Variants in KAT14 observed in about 807,000 individuals in gnomAD.
The protein encoded by KAT14 is lysine acetyltransferase 14.
KAT14 carries 66 observed loss-of-function variants against 78.4 expected under a neutral mutation model. The observed-to-expected ratio is 0.84, with a 90% CI of 0.69 to 1.03. The LOEUF is 1.03. Among genes scored for constraint, KAT14 ranks in the 50% least tolerant of loss-of-function variants. The probability of loss-of-function intolerance (pLI) is 0.00; values close to 1 mark genes in which losing one functional copy is unlikely to be tolerated. For missense variants in KAT14, 870 were observed against 972.5 expected (o/e 0.89, Z 1.40); for synonymous variants, 344 against 359.4 (o/e 0.96, Z 0.48).
At chr20:18,180,818 C>T (rs556189361) in intron 7 of KAT14, among the ~76,000 whole-genome samples, 5 of 152,164 alleles carry the variant, frequency 3.3e-5, no homozygotes, top group Admixed American at 1.3e-4. Flanking sequence ...TGGTGGAAAC[C>T]GCCCCCATGA....
intron 5 of KAT14, among the ~76,000 whole-genome samples, chr20:18,160,135 A>G (rs2038364807): frequency 6.6e-6 from 1 of 152,208 alleles, no homozygotes; most frequent in Non-Finnish European, 1.5e-5. Context: ...TCCTGACCTC[A>G]GGCGATCCAC....
chr20:18,183,666 G>A (rs900748716), intron 9 of KAT14: 4 of 483,698 alleles, frequency 8.3e-6, no homozygotes, highest in Non-Finnish European at 1.1e-5. Flanking sequence ...TTTATGTTTT[G>A]TTTATTTAGC....
chr20:18,178,102 TATC>T (rs2146509850), intron 7 of KAT14, among the ~76,000 whole-genome samples: 1 of 32,866 alleles, frequency 3.0e-5, no homozygotes, highest in African/African-American at 1.1e-4. Flanking sequence ...AGCAAGACTC[TATC>T]TCAAAAAAAA....
At chr20:18,155,350 G>T (rs966836841) in intron 4 of KAT14, among the ~76,000 whole-genome samples, 43 of 152,128 alleles carry the variant, frequency 2.8e-4, no homozygotes, top group African/African-American at 8.0e-4. Context: ...AAAGGTGGGG[G>T]TTTTTTTGGT....
Position 18,187,441 on chromosome 20 carries a change from T to C in KAT14, c.2328T>C (p.Phe776=). ...LESTECKHAF[F]LRLRR is the part of the protein sequence containing the mutation. Reference sequence around the variant, plus strand: ...GTACAGAGTGTAAACACGCATTCTTTCTGAGGCTCCGGCGCTGATGCGAAT... The same window carrying C: ...GTACAGAGTGTAAACACGCATTCTTCCTGAGGCTCCGGCGCTGATGCGAAT... The change falls in exon 11 of 11, where the codon TTT becomes TTC. Residue 776 remains phenylalanine, a synonymous_variant. Coordinates refer to ENST00000688188, the MANE Select transcript of KAT14 (RefSeq NM_001392073.1). 6.2e-7 allele frequency: 1 copy of C among 1,614,160 alleles called. No individual in the cohort carries two copies.
In KAT14 at chr20:18,159,241, T is replaced by C. The variant is rs756455634; in HGVS notation, c.658T>C (p.Ser220Pro). The C allele has an allele frequency of 6.2e-7, 1 of 1,614,070 alleles. No individual in the cohort carries two copies. The highest frequency in any genetic ancestry group is 8.5e-7 in the Non-Finnish European group (1 of 1,180,008). ...PTMKPEGEKL[S>P]ASTLKIKASK... ...GATGAAACCTGAAGGAGAGAAGTTG[T>C]CTGCCTCTACTTTGAAAATAAAAGG... The change falls in exon 5 of 11, where the codon TCT becomes CCT. Residue 220 changes from serine (S) to proline (P), a missense_variant. By Grantham distance (74) the Ser-to-Pro change is moderately conservative. Transcript: ENST00000688188.
At chr20:18,140,854 A>G (rs1208029582) in intron 1 of KAT14, among the ~76,000 whole-genome samples, 2 of 149,910 alleles carry the variant, frequency 1.3e-5, no homozygotes, top group Non-Finnish European at 3.0e-5. Context: ...AACAAAACAA[A>G]AAAAACCCTA....
At chr20:18,185,220 G>A (rs1280839828) in intron 10 of KAT14, among the ~76,000 whole-genome samples, 1 of 152,078 alleles carries the variant, frequency 6.6e-6, no homozygotes, top group Admixed American at 6.6e-5. Context: ...ATAAGAATAT[G>A]TATATATTTT....
chr20:18,187,773 C>T lies in KAT14; in HGVS notation c.*314C>T. The T allele has an allele frequency of 2.8e-6, 1 of 350,952 alleles. No homozygotes were observed. The highest frequency in any genetic ancestry group is 3.1e-5 in the South Asian group (1 of 32,426). The allele number at this position is 350,952 out of a possible 1,614,324, so 21.7% of individuals were successfully genotyped here. ...GTGAAAGAGCATCTAACCTGATGCT[C>T]TTGGAGAGAGATAACCTGTCTGTCA... On this transcript the variant is annotated 3_prime_UTR_variant, in exon 11 of 11. Coordinates refer to ENST00000688188, the MANE Select transcript of KAT14 (RefSeq NM_001392073.1).
chr20:18,140,236 C>G (rs2037479438), intron 1 of KAT14, among the ~76,000 whole-genome samples: 1 of 151,378 alleles, frequency 6.6e-6, no homozygotes, highest in African/African-American at 2.4e-5. Flanking sequence ...GGAAGACCTG[C>G]AGTTGGGGGA....
At chr20:18,184,873 C>A in intron 10 of KAT14, 81 bp downstream of exon 10, 1 of 1,436,168 alleles carries the variant, frequency 7.0e-7, no homozygotes, top group South Asian at 1.5e-5. Context: ...GCTGAGCTAG[C>A]CCTTCCCAGC....
chr20:18,152,695 TAG>T (rs1281030525), intron 4 of KAT14, among the ~76,000 whole-genome samples: 1 of 152,290 alleles, frequency 6.6e-6, no homozygotes, highest in Non-Finnish European at 1.5e-5. Context: ...CCTTAGTTAA[TAG>T]AGTTTTGTAT....
At position 18,162,474 on chromosome 20, in the gene KAT14, C is replaced by T; in HGVS notation, c.1197C>T (p.Val399=). 6.2e-7 allele frequency: 1 copy of T among 1,613,942 alleles called. No homozygotes were observed. Among genetic ancestry groups the T allele is most frequent in the Non-Finnish European group, 8.5e-7 (1 of 1,180,006 alleles). The part of the protein sequence containing the change: ...GSVASGPVVG[V]RKKVRGPEQI... ...TAGCTTCTGGGCCAGTGGTTGGGGT[C>T]AGAAAGAAGGTCAGAGGCCCTGAAC... The change falls in exon 7 of 11, where the codon GTC becomes GTT. Residue 399 remains valine (V), a synonymous_variant. Transcript: ENST00000688188.
chr20:18,182,270 C>T (rs1425419699), intron 8 of KAT14, among the ~76,000 whole-genome samples: 2 of 151,928 alleles, frequency 1.3e-5, no homozygotes, highest in East Asian at 3.9e-4. Flanking sequence ...TATAGGCATG[C>T]ACCACCAAGC....
intron 4 of KAT14, among the ~76,000 whole-genome samples, chr20:18,153,436 T>C (rs541470988): frequency 4.2e-4 from 64 of 152,362 alleles, no homozygotes; most frequent in African/African-American, 1.4e-3. Flanking sequence ...GTACCCCATT[T>C]ATAAGGGATA....
intron 3 of KAT14, 150 bp from the exon 4 acceptor site, chr20:18,150,671 T>C: frequency 7.7e-7 from 1 of 1,306,054 alleles, no homozygotes; most frequent in Non-Finnish European, 1.1e-6. Context: ...AATTCTACCC[T>C]GGGAATATTC....
Position 18,162,519 on chromosome 20 carries a change from G to C in KAT14, c.1242G>C (p.Glu414Asp). 6.2e-7 allele frequency: 1 copy of C among 1,614,152 alleles called. No individual in the cohort carries two copies. Among genetic ancestry groups the C allele is most frequent in the Non-Finnish European group, 8.5e-7 (1 of 1,180,038 alleles). The change falls in exon 7 of 11, where the codon GAG (glutamate) becomes GAC (aspartate). Residue 414 changes from glutamate (E) to aspartate (D), a missense_variant. By Grantham distance (45) the Glu-to-Asp change is conservative (BLOSUM62 2). Transcript: ENST00000688188. ...RGPEQIKQEV[E>D]SEEEKPDRMD... The stretch of plus-strand genomic sequence containing the variant: ...CTGAACAGATAAAGCAGGAGGTAGA[G>C]AGTGAGGAGGAAAAACCCGACAGGA...
chr20:18,138,207 C>T (rs1214366333), intron 1 of KAT14, 156 bp downstream of exon 1: 8 of 1,265,200 alleles, frequency 6.3e-6, no homozygotes, highest in Middle Eastern at 2.3e-4. Flanking sequence ...CTGCGGCCGG[C>T]GGCCGCTCTG....
chr20:18,156,150 CTG>C (rs889653039), intron 4 of KAT14, among the ~76,000 whole-genome samples: 2 of 152,174 alleles, frequency 1.3e-5, no homozygotes, highest in Admixed American at 6.5e-5. Flanking sequence ...AAAACAAACA[CTG>C]TGTGATTCCA....
Sources: gnomAD v4.1 joint callset for allele counts (sites outside exome capture counted in the v4.1 genomes callset) on GRCh38, gnomAD v4.1.1 for gene constraint, MANE v1.5 for transcripts, NCBI Gene and HGNC (gene_info 2026-07-23, HGNC 2026-07-21) for gene names.